The following NFIB variants were observed in gnomAD, a reference collection of about 807,000 sequenced individuals.
NFIB encodes the protein nuclear factor I B.
In NFIB, 11 loss-of-function variants were observed where a neutral mutation model predicts 61.5. The observed-to-expected ratio is 0.18, with a 90% CI of 0.11 to 0.30. The LOEUF (loss-of-function observed/expected upper bound fraction) is 0.30, where lower values mean the gene tolerates loss of function less well. Among genes scored for constraint, NFIB ranks in the 10% least tolerant of loss-of-function variants. NFIB has a pLI of 1.00. For missense variants in NFIB, 471 were observed against 608.9 expected (o/e 0.77, Z 2.38); for synonymous variants, 260 against 216.5 (o/e 1.20, Z -1.76).
At chr9:14,470,953 G>C in the NFIB span, among the ~76,000 whole-genome samples, 2 of 152,202 alleles carry the variant, frequency 1.3e-5, 1 homozygote, top group Admixed American at 1.3e-4. Context: ...CAGAAATGAT[G>C]AGGCAGGGTG....
At chr9:14,476,707 C>A in the NFIB span, among the ~76,000 whole-genome samples, 1 of 152,018 alleles carries the variant, frequency 6.6e-6, no homozygotes, top group African/African-American at 2.4e-5. Flanking sequence ...AATAAAAAAA[C>A]CAACAACCAA....
chr9:14,296,167 T>C (rs1456513806), intron 2 of NFIB, among the ~76,000 whole-genome samples: 2 of 152,258 alleles, frequency 1.3e-5, no homozygotes, highest in Non-Finnish European at 2.9e-5. Flanking sequence ...TTTTTTTCAC[T>C]ACTGGATAGT....
chr9:14,153,491 T>C (rs1158874410), intron 4 of NFIB, among the ~76,000 whole-genome samples: 2 of 152,096 alleles, frequency 1.3e-5, no homozygotes, highest in Admixed American at 6.6e-5. Flanking sequence ...GATATCCTCT[T>C]AGAAATGAAG....
intron 2 of NFIB, among the ~76,000 whole-genome samples, chr9:14,210,389 A>C (rs183480357): frequency 4.1e-3 from 631 of 152,316 alleles, no homozygotes; most frequent in Non-Finnish European, 6.0e-3. Context: ...GCAAAAAATA[A>C]TTCAAAACTT....
At position 14,082,552 on chromosome 9, in the gene NFIB, A is replaced by AT. The variant is rs1049894000; in HGVS notation, c.*5756dup. The AT allele has an allele frequency of 1.4e-4, 30 of 207,308 alleles. No homozygotes were observed. Among genetic ancestry groups the AT allele is most frequent in the East Asian group, 8.1e-4 (11 of 13,610 alleles). The allele number at this position is 207,308 out of a possible 1,614,324, so 12.8% of individuals were successfully genotyped here. ...CCTCACATTCTACAATGTTGTAGAG[A>AT]TTTTTTTTCCCAAGAAAATGTCATT... On this transcript the variant is annotated 3_prime_UTR_variant, in exon 11 of 11. Transcript: ENST00000380953.
chr9:14,485,024 G>C, the NFIB span, among the ~76,000 whole-genome samples: 1 of 152,134 alleles, frequency 6.6e-6, no homozygotes, highest in Non-Finnish European at 1.5e-5. Context: ...GAGAGAGAGA[G>C]ATTGATTGAT....
chr9:14,500,812 C>T, the NFIB span, among the ~76,000 whole-genome samples: 140 of 152,234 alleles, frequency 9.2e-4, no homozygotes, highest in East Asian at 3.5e-3. Context: ...CACGCATTTC[C>T]CACAGCGAAT....
intron 1 of NFIB, chr9:14,322,379 T>C: frequency 4.2e-6 from 1 of 238,418 alleles, no homozygotes; most frequent in Non-Finnish European, 8.2e-6. Flanking sequence ...GCGGGGCTGC[T>C]CCAGGAGTGG....
At chr9:14,320,869 C>A (rs749465442) in intron 1 of NFIB, among the ~76,000 whole-genome samples, 6 of 152,072 alleles carry the variant, frequency 3.9e-5, no homozygotes, top group Admixed American at 6.6e-5. Flanking sequence ...GCTATAAGAT[C>A]CGTTCAAAGA....
Position 14,294,536 on chromosome 9 carries a change from C to T in NFIB, c.562+12453G>A, listed in dbSNP as rs755449970. 2.4e-4 allele frequency among the ~76,000 whole-genome samples: 37 copies of T among 152,150 alleles called. 1 individual carries two copies. Among genetic ancestry groups the T allele is most frequent in the Non-Finnish European group, 7.3e-5 (5 of 68,028 alleles). Reference sequence around the variant, plus strand: ...CACTTTGTTTCATGTATATGATTTTCGAGTTTTGTGTATCCCATGAACAGA... The same window carrying T: ...CACTTTGTTTCATGTATATGATTTTTGAGTTTTGTGTATCCCATGAACAGA... On this transcript the variant is annotated intron_variant, in intron 2 of 10. Transcript: ENST00000380953.
At chr9:14,505,601 G>A in the NFIB span, among the ~76,000 whole-genome samples, 1 of 152,112 alleles carries the variant, frequency 6.6e-6, no homozygotes, top group African/African-American at 2.4e-5. Flanking sequence ...TCCACCCCAT[G>A]CCCACAACCA....
the NFIB span, among the ~76,000 whole-genome samples, chr9:14,422,888 T>G: frequency 6.6e-6 from 1 of 152,164 alleles, no homozygotes; most frequent in Non-Finnish European, 1.5e-5. Flanking sequence ...AAAACAAAGA[T>G]GCACATGGAG....
chr9:14,406,924 A>G, the NFIB span, among the ~76,000 whole-genome samples: 2 of 152,218 alleles, frequency 1.3e-5, no homozygotes, highest in East Asian at 3.8e-4. Flanking sequence ...TGTGAGTGAG[A>G]AATACATATT....
chr9:14,277,774 G>C (rs2058100268), intron 2 of NFIB, among the ~76,000 whole-genome samples: 1 of 152,126 alleles, frequency 6.6e-6, no homozygotes, highest in Admixed American at 6.5e-5. Context: ...CTTACTCTAA[G>C]GCTATAACTC....
At chr9:14,219,381 T>TAAAAA (rs751279935) in intron 2 of NFIB, among the ~76,000 whole-genome samples, 3,247 of 73,396 alleles carry the variant, frequency 0.044, 540 homozygotes, top group South Asian at 0.11. Flanking sequence ...AGCACTAGGG[T>TAAAAA]AAAAAAAAAA....
chr9:14,285,114 A>G (rs1009701903), intron 2 of NFIB, among the ~76,000 whole-genome samples: 1 of 152,160 alleles, frequency 6.6e-6, no homozygotes, highest in African/African-American at 2.4e-5. Flanking sequence ...AGATAAAACA[A>G]ATGATTCTTT....
chr9:14,333,035 C>G (rs1207575814), intron 1 of NFIB, among the ~76,000 whole-genome samples: 1 of 152,146 alleles, frequency 6.6e-6, no homozygotes, highest in Admixed American at 6.5e-5. Flanking sequence ...AGAGAGGAGA[C>G]AGGATAGAGC....
the NFIB span, among the ~76,000 whole-genome samples, chr9:14,472,159 T>A: frequency 1.4e-3 from 206 of 152,344 alleles, no homozygotes; most frequent in African/African-American, 4.7e-3. Context: ...CTATGTTGTG[T>A]CCCTTGCAAT....
chr9:14,157,760 T>C (rs1243548048), intron 3 of NFIB, among the ~76,000 whole-genome samples: 1 of 152,160 alleles, frequency 6.6e-6, no homozygotes, highest in Non-Finnish European at 1.5e-5. Flanking sequence ...CTTACTATCA[T>C]ATAGAAAGAT....
Sources: allele counts gnomAD v4.1 joint callset (sites outside exome capture counted in the v4.1 genomes callset), GRCh38; gene constraint gnomAD v4.1.1; transcripts MANE v1.5; gene names NCBI Gene and HGNC (gene_info 2026-07-23, HGNC 2026-07-21).